Variants in TAFA5 observed in about 807,000 individuals in gnomAD.
TAFA5 encodes chemokine-like protein TAFA-5.
TAFA5 carries 6 observed loss-of-function variants against 15.3 expected under a neutral mutation model. The ratio of observed to expected loss-of-function variants is 0.39; its 90% CI spans 0.21 to 0.77. The LOEUF (loss-of-function observed/expected upper bound fraction) is 0.77. Among genes scored for constraint, TAFA5 ranks in the 30% least tolerant of loss-of-function variants. The probability of loss-of-function intolerance (pLI) is 0.41; values close to 1 mark genes in which losing one functional copy is unlikely to be tolerated. For missense variants in TAFA5, 161 were observed against 193.1 expected (o/e 0.83, Z 0.98); for synonymous variants, 103 against 80.7 (o/e 1.28, Z -1.48).
chr22:48,667,429 G>A (rs938858090), intron 2 of TAFA5, among the ~76,000 whole-genome samples: 4 of 151,944 alleles, frequency 2.6e-5, no homozygotes, highest in Non-Finnish European at 5.9e-5. Context: ...TGAAATAGCC[G>A]TAACTGTGAT....
intron 1 of TAFA5, among the ~76,000 whole-genome samples, chr22:48,591,205 C>A (rs1569038378): frequency 6.6e-6 from 1 of 152,226 alleles, no homozygotes; most frequent in Non-Finnish European, 1.5e-5. Flanking sequence ...TTGACAGCAA[C>A]CTGAAGAGTT....
At chr22:48,700,285 GC>G (rs913124415) in intron 2 of TAFA5, among the ~76,000 whole-genome samples, 1 of 152,168 alleles carries the variant, frequency 6.6e-6, no homozygotes, top group African/African-American at 2.4e-5. Context: ...CAGCTTCAGG[GC>G]AGGGGTGCAA....
rs1439022683 is a variant in TAFA5 at position 48,732,902 on chromosome 22, CGACTCCCGGAA to C, written c.391-16935_391-16925del. On this transcript the variant is annotated intron_variant, in intron 3 of 3. Transcript: ENST00000402357. ...AGACCCTCCACCAGCAAAGAGATGACGACTCCCGGAAGGCTCAGATGATCCTTAGCATTTTT... is the reference window on the plus strand; with the variant it reads ...AGACCCTCCACCAGCAAAGAGATGACGGCTCAGATGATCCTTAGCATTTTT... 9.8e-5 allele frequency among the ~76,000 whole-genome samples: 15 copies of C among 152,316 alleles called. No individual in the cohort carries two copies. In the South Asian group the frequency reaches 2.7e-3, roughly 27 times the overall value.
At chr22:48,523,325 AGGGGACCCTAC>A (rs980273718) in intron 1 of TAFA5, among the ~76,000 whole-genome samples, 1 of 152,154 alleles carries the variant, frequency 6.6e-6, no homozygotes, top group African/African-American at 2.4e-5. Context: ...AACACCATCC[AGGGGACCCTAC>A]GGGGTAGGAT....
chr22:48,739,470 G>A (rs751827315), intron 3 of TAFA5, among the ~76,000 whole-genome samples: 14 of 152,152 alleles, frequency 9.2e-5, no homozygotes, highest in Non-Finnish European at 1.6e-4. Context: ...CAGAAGGGCT[G>A]CATAGCGAAT....
chr22:48,611,180 C>A (rs954829555), intron 1 of TAFA5, among the ~76,000 whole-genome samples: 1 of 152,214 alleles, frequency 6.6e-6, no homozygotes, highest in Non-Finnish European at 1.5e-5. Context: ...AGCGATCCGC[C>A]CGCCTTGGCC....
chr22:48,703,846 T>C (rs1928993185), intron 2 of TAFA5, among the ~76,000 whole-genome samples: 1 of 152,170 alleles, frequency 6.6e-6, no homozygotes, highest in South Asian at 2.1e-4. Context: ...CCAACCCCAC[T>C]CCTGCTGGCC....
chr22:48,511,761 G>A (rs2147101783), intron 1 of TAFA5, among the ~76,000 whole-genome samples: 1 of 152,344 alleles, frequency 6.6e-6, no homozygotes, highest in East Asian at 1.9e-4. Context: ...CATCACCTGT[G>A]GAACCTTACA....
intron 2 of TAFA5, among the ~76,000 whole-genome samples, chr22:48,663,383 CA>C (rs1601653575): frequency 6.6e-6 from 1 of 152,150 alleles, no homozygotes; most frequent in African/African-American, 2.4e-5. Context: ...CACCTTGGAC[CA>C]GTCACCTTCC....
intron 1 of TAFA5, among the ~76,000 whole-genome samples, chr22:48,543,111 G>A (rs1488672533): frequency 6.6e-6 from 1 of 151,892 alleles, no homozygotes; most frequent in Non-Finnish European, 1.5e-5. Flanking sequence ...CATCCACCTG[G>A]AGCCCTCCAC....
intron 1 of TAFA5, among the ~76,000 whole-genome samples, chr22:48,612,889 G>A (rs1022305547): frequency 2.6e-5 from 4 of 152,162 alleles, no homozygotes; most frequent in Non-Finnish European, 5.9e-5. Flanking sequence ...TCATCGTGGG[G>A]AGCAGTGGGT....
Position 48,583,429 on chromosome 22 carries a change from C to T in TAFA5, c.113-63168C>T, listed in dbSNP as rs528785429. On this transcript the variant is annotated intron_variant, in intron 1 of 3. Coordinates refer to ENST00000402357, the MANE Select transcript of TAFA5 (RefSeq NM_001082967.3). The stretch of plus-strand genomic sequence containing the variant: ...CACAAAATACGCCACACACACACCA[C>T]ACACACAGTACCCACCGCACACAAA... Among the ~76,000 whole-genome samples the T allele has an allele frequency of 4.6e-3, 694 of 150,158 alleles. 1 individual carries two copies. The highest frequency in any genetic ancestry group is 7.0e-3 in the Non-Finnish European group (469 of 67,426).
intron 2 of TAFA5, among the ~76,000 whole-genome samples, chr22:48,706,825 G>C (rs1259024735): frequency 6.6e-6 from 1 of 152,212 alleles, no homozygotes; most frequent in Non-Finnish European, 1.5e-5. Flanking sequence ...GATTCCCGCA[G>C]CGAAGGTTAT....
At chr22:48,602,146 T>C (rs531529722) in intron 1 of TAFA5, among the ~76,000 whole-genome samples, 2 of 152,188 alleles carry the variant, frequency 1.3e-5, no homozygotes, top group South Asian at 4.1e-4. Context: ...CCCTCCCTCC[T>C]CCGCATCTTC....
chr22:48,539,976 C>T (rs1025984887), intron 1 of TAFA5, among the ~76,000 whole-genome samples: 3 of 151,956 alleles, frequency 2.0e-5, no homozygotes, highest in Non-Finnish European at 4.4e-5. Flanking sequence ...GAGAGAAAAC[C>T]GGGGTCTGGC....
At chr22:48,529,568 GC>G (rs1290510797) in intron 1 of TAFA5, among the ~76,000 whole-genome samples, 1 of 62,894 alleles carries the variant, frequency 1.6e-5, no homozygotes. Context: ...GGGGTGTCAG[GC>G]AGGAGATGGG....
At chr22:48,520,455 C>G (rs188972569) in intron 1 of TAFA5, among the ~76,000 whole-genome samples, 2 of 152,366 alleles carry the variant, frequency 1.3e-5, no homozygotes, top group East Asian at 3.9e-4. Flanking sequence ...TTACCCTTCT[C>G]GCTGGTGAAG....
chr22:48,516,412 A>AT (rs1198324708), intron 1 of TAFA5, among the ~76,000 whole-genome samples: 1 of 151,670 alleles, frequency 6.6e-6, no homozygotes, highest in Non-Finnish European at 1.5e-5. Context: ...TTTTGGTGTA[A>AT]TTTAAGTGAG....
At chr22:48,605,983 G>T (rs1216869211) in intron 1 of TAFA5, among the ~76,000 whole-genome samples, 2 of 152,194 alleles carry the variant, frequency 1.3e-5, no homozygotes, top group African/African-American at 4.8e-5. Flanking sequence ...CTGTGTGCTG[G>T]GTGGCTGGAG....
Sources: allele counts gnomAD v4.1 joint callset (sites outside exome capture counted in the v4.1 genomes callset), GRCh38; gene constraint gnomAD v4.1.1; transcripts MANE v1.5; gene names NCBI Gene and HGNC (gene_info 2026-07-23, HGNC 2026-07-21).